The following PCDH15 variants were observed in gnomAD, a reference collection of about 807,000 sequenced individuals.
PCDH15 encodes protocadherin related 15, also known as protocadherin-15.
Under a neutral mutation model 178.5 loss-of-function variants are expected in PCDH15, and 129 were observed. The observed-to-expected ratio is 0.72, with a 90% CI of 0.63 to 0.84. The LOEUF is 0.84. Ranked by LOEUF, PCDH15 falls within the 40% of genes least tolerant of loss-of-function variation. PCDH15 has a pLI of 0.00. For missense variants in PCDH15, 2,230 were observed against 2,099.9 expected (o/e 1.06, Z -1.21); for synonymous variants, 800 against 732.0 (o/e 1.09, Z -1.50).
intron 1 of PCDH15, among the ~76,000 whole-genome samples, chr10:55,188,685 A>T (rs955496996): frequency 9.2e-5 from 14 of 151,624 alleles, no homozygotes; most frequent in South Asian, 4.2e-4. Context: ...TCCTTTTTTT[A>T]AAAAAAATAA....
chr10:53,937,547 T>C (rs971907972), intron 25 of PCDH15, among the ~76,000 whole-genome samples: 10 of 152,192 alleles, frequency 6.6e-5, no homozygotes, highest in African/African-American at 2.4e-4. Context: ...ATTATGTGAG[T>C]GATGCATAAT....
chr10:54,154,300 T>C (rs1261502301), intron 13 of PCDH15, among the ~76,000 whole-genome samples: 1 of 151,924 alleles, frequency 6.6e-6, no homozygotes, highest in Non-Finnish European at 1.5e-5. Context: ...AAGAAAGTGG[T>C]CTCAATTTAC....
intron 15 of PCDH15, among the ~76,000 whole-genome samples, chr10:54,112,218 C>T (rs752464782): frequency 3.3e-5 from 5 of 151,944 alleles, no homozygotes; most frequent in East Asian, 3.9e-4. Flanking sequence ...TCCTCTAAGT[C>T]GGGGTTCCTC....
chr10:54,874,296 A>G (rs1314547449), intron 3 of PCDH15, among the ~76,000 whole-genome samples: 1 of 147,198 alleles, frequency 6.8e-6, no homozygotes, highest in Non-Finnish European at 1.5e-5. Flanking sequence ...TACAAAGGGC[A>G]TGAACTCATC....
chr10:54,398,860 A>G (rs1447000681), intron 3 of PCDH15, among the ~76,000 whole-genome samples: 2 of 152,138 alleles, frequency 1.3e-5, no homozygotes, highest in Non-Finnish European at 2.9e-5. Context: ...GACACTGCTA[A>G]AATGAATGGA....
At chr10:53,992,904 A>G (rs1911419) in intron 21 of PCDH15, among the ~76,000 whole-genome samples, 1 of 151,922 alleles carries the variant, frequency 6.6e-6, no homozygotes, top group Non-Finnish European at 1.5e-5. Flanking sequence ...CAAAACATGT[A>G]TTTTATAATT....
chr10:54,899,737 C>T (rs1222329147), intron 2 of PCDH15, among the ~76,000 whole-genome samples: 2 of 152,002 alleles, frequency 1.3e-5, no homozygotes, highest in East Asian at 1.9e-4. Context: ...CGTTGTGATC[C>T]GTCCACCTCG....
chr10:55,273,799 T>G (rs1486530402), intron 1 of PCDH15, among the ~76,000 whole-genome samples: 2 of 152,050 alleles, frequency 1.3e-5, no homozygotes, highest in Non-Finnish European at 2.9e-5. Context: ...AAGAAGAAAA[T>G]CACTTGCCAA....
At position 55,265,230 on chromosome 10, in the gene PCDH15, G is replaced by A. The variant is rs182271055; in HGVS notation, c.-156+54369C>T. Among the ~76,000 whole-genome samples the A allele has an allele frequency of 8.6e-5, 13 of 151,824 alleles. No individual in the cohort carries two copies. In the East Asian group the frequency reaches 2.5e-3, roughly 30 times the overall value. On this transcript the variant is annotated intron_variant, in intron 1 of 5. Coordinates refer to the PCDH15 transcript ENST00000458638. ...CCCAATAGTACTTAAAGCAAATCAA[G>A]GGGGATCTTGGTAAGTTTCCGGATG...
intron 18 of PCDH15, among the ~76,000 whole-genome samples, chr10:54,030,441 C>A (rs2093260738): frequency 6.8e-6 from 1 of 148,046 alleles, no homozygotes; most frequent in Non-Finnish European, 1.5e-5. Context: ...AGGAGACAAG[C>A]AATTTAAAGA....
chr10:55,400,667 T>A (rs1838040692), intron 2 of PCDH15, among the ~76,000 whole-genome samples: 2 of 152,190 alleles, frequency 1.3e-5, no homozygotes. Context: ...GCCCTCATAC[T>A]GTAAACAAGT....
chr10:55,044,255 G>C (rs1052623078), intron 2 of PCDH15, among the ~76,000 whole-genome samples: 1 of 152,060 alleles, frequency 6.6e-6, no homozygotes, highest in African/African-American at 2.4e-5. Flanking sequence ...GATGTCTTTA[G>C]TTTTCACCTA....
intron 1 of PCDH15, among the ~76,000 whole-genome samples, chr10:54,785,970 A>G (rs7089718): frequency 0.041 from 6,236 of 152,000 alleles, 432 homozygotes; most frequent in African/African-American, 0.14. Context: ...AGAGCTATAG[A>G]CTGAAGTGTT....
chr10:54,164,543 A>G (rs2046018691), intron 13 of PCDH15, among the ~76,000 whole-genome samples: 1 of 152,190 alleles, frequency 6.6e-6, no homozygotes, highest in Non-Finnish European at 1.5e-5. Flanking sequence ...GTAATAGAGG[A>G]TAAGGGGGAA....
intron 2 of PCDH15, among the ~76,000 whole-genome samples, chr10:55,539,382 G>T (rs1460458522): frequency 6.6e-6 from 1 of 151,556 alleles, no homozygotes; most frequent in Non-Finnish European, 1.5e-5. Flanking sequence ...TCTTTTCTCA[G>T]ACATCTACTA....
intron 1 of PCDH15, among the ~76,000 whole-genome samples, chr10:55,187,815 C>T (rs1397580391): frequency 6.6e-6 from 1 of 151,878 alleles, no homozygotes; most frequent in Non-Finnish European, 1.5e-5. Flanking sequence ...ACTTTCTGGT[C>T]TTCAGAGGAG....
rs1564690516 is a variant in PCDH15, at chr10:53,888,299, T to TATGTATATGTATATATATAC, written c.3501+14943_3501+14944insGTATATATATACATATACAT. 3.2e-4 allele frequency among the ~76,000 whole-genome samples: 24 copies of TATGTATATGTATATATATAC among 75,556 alleles called. 1 individual carries two copies. The highest frequency in any genetic ancestry group is 1.2e-3 in the African/African-American group (23 of 19,234). 49.6% of individuals were successfully genotyped at this position (75,556 alleles called of 152,430 possible). A position where few individuals can be genotyped will look rare whatever the true frequency, so the allele number is the denominator to read the frequency against. ...TTCCAACACTATATATACATATATA[T>TATGTATATGTATATATATAC]ATATATATATGTATATATGTACGTA... On this transcript the variant is annotated intron_variant, in intron 26 of 37. Transcript: ENST00000644397.
intron 2 of PCDH15, among the ~76,000 whole-genome samples, chr10:54,991,652 C>T (rs530328018): frequency 6.6e-6 from 1 of 152,072 alleles, no homozygotes; most frequent in Non-Finnish European, 1.5e-5. Flanking sequence ...ATTTAAAAGA[C>T]AGCGGCTATG....
intron 2 of PCDH15, among the ~76,000 whole-genome samples, chr10:54,635,400 G>T (rs1429108004): frequency 7.0e-6 from 1 of 141,914 alleles, no homozygotes; most frequent in Non-Finnish European, 1.6e-5. Flanking sequence ...ATATATATAT[G>T]CACACACATA....
Sources: allele counts gnomAD v4.1 joint callset (sites outside exome capture counted in the v4.1 genomes callset), GRCh38; gene constraint gnomAD v4.1.1; transcripts MANE v1.5; gene names NCBI Gene and HGNC (gene_info 2026-07-23, HGNC 2026-07-21).